The following DLGAP1 variants were observed in gnomAD, a reference collection of about 807,000 sequenced individuals.
DLGAP1 encodes the protein DLG associated protein 1, also known as disks large-associated protein 1.
DLGAP1 carries 11 observed loss-of-function variants against 90.8 expected under a neutral mutation model. The ratio of observed to expected loss-of-function variants is 0.12; its 90% CI spans 0.08 to 0.20. The LOEUF (loss-of-function observed/expected upper bound fraction) is 0.20. Ranked by LOEUF, DLGAP1 falls within the 10% of genes least tolerant of loss-of-function variation. DLGAP1 has a pLI of 1.00. For missense variants in DLGAP1, 1,050 were observed against 1,333.8 expected (o/e 0.79, Z 3.31); for synonymous variants, 558 against 540.7 (o/e 1.03, Z -0.44).
intron 3 of DLGAP1, among the ~76,000 whole-genome samples, chr18:3,939,029 T>G (rs778366124): frequency 3.9e-5 from 6 of 152,106 alleles, no homozygotes; most frequent in Non-Finnish European, 5.9e-5. Context: ...TCACCAACAG[T>G]AAGGGAATAG....
At chr18:4,134,225 T>C (rs1463777971) in intron 2 of DLGAP1, among the ~76,000 whole-genome samples, 2 of 152,056 alleles carry the variant, frequency 1.3e-5, no homozygotes, top group East Asian at 3.9e-4. Context: ...CCTGTCTCTC[T>C]TTGCATCCTC....
chr18:3,880,670 C>T lies in DLGAP1; in HGVS notation c.-72-530G>A, dbSNP rs985791673. Among the ~76,000 whole-genome samples, 16 of 151,034 alleles carry T rather than the reference C, an allele frequency of 1.1e-4. No homozygotes were observed. In the South Asian group the frequency reaches 1.3e-3, roughly 12 times the overall value. On this transcript the variant is annotated intron_variant, in intron 3 of 12. Transcript: ENST00000315677. Reference sequence around the variant, plus strand: ...AAAACTAGAAAAAGGAGGCCGGGCGCGGTGGCTCACGCCTGTAATCCCAGC... The same window carrying T: ...AAAACTAGAAAAAGGAGGCCGGGCGTGGTGGCTCACGCCTGTAATCCCAGC...
At chr18:4,183,598 T>C (rs1413944447) in intron 1 of DLGAP1, among the ~76,000 whole-genome samples, 1 of 152,140 alleles carries the variant, frequency 6.6e-6, no homozygotes, top group Non-Finnish European at 1.5e-5. Context: ...CTTTTTTAAA[T>C]TATGTGGCTC....
rs188150744 is a variant in DLGAP1, at chr18:4,350,845, C to T, written c.-267+104161G>A. ...TCAAATAGTAGGTTTGATCTAATTACCAAAACATTATTAGAATCTAGGTAG... is the reference window on the plus strand; with the variant it reads ...TCAAATAGTAGGTTTGATCTAATTATCAAAACATTATTAGAATCTAGGTAG... On this transcript the variant is annotated intron_variant, in intron 1 of 12. Coordinates refer to ENST00000315677, the MANE Select transcript of DLGAP1 (RefSeq NM_004746.4). 1.2e-3 allele frequency among the ~76,000 whole-genome samples: 186 copies of T among 152,148 alleles called. 2 individuals carry two copies. The highest frequency in any genetic ancestry group is 4.4e-3 in the African/African-American group (182 of 41,520).
At chr18:3,754,663 T>C (rs1208422465) in intron 5 of DLGAP1, among the ~76,000 whole-genome samples, 4 of 144,296 alleles carry the variant, frequency 2.8e-5, no homozygotes, top group Non-Finnish European at 6.0e-5. Context: ...GTGGATTGCA[T>C]GAGCTCAGGA....
At chr18:3,884,233 G>C (rs1029291497) in intron 3 of DLGAP1, among the ~76,000 whole-genome samples, 4 of 152,182 alleles carry the variant, frequency 2.6e-5, no homozygotes, top group African/African-American at 4.8e-5. Flanking sequence ...CATTGCATAA[G>C]AAAGTCTCTC....
At chr18:4,194,193 T>C (rs1266291499) in intron 1 of DLGAP1, among the ~76,000 whole-genome samples, 1 of 152,146 alleles carries the variant, frequency 6.6e-6, no homozygotes, top group Non-Finnish European at 1.5e-5. Context: ...GGGACTACTG[T>C]CGTCACCTTT....
Position 4,040,033 on chromosome 18 carries a change from C to A in DLGAP1, c.-158-34832G>T, listed in dbSNP as rs144285508. Among the ~76,000 whole-genome samples the A allele has an allele frequency of 8.5e-5, 13 of 152,330 alleles. No individual in the cohort carries two copies. The East Asian group carries it at 2.5e-3, about 29-fold the overall frequency. ...TATAGAACAGCCTTCTATTCAAGGA[C>A]TCCCAATTTGGGCAAAACAGTACCT... On this transcript the variant is annotated intron_variant, in intron 2 of 12. Coordinates refer to ENST00000315677, the MANE Select transcript of DLGAP1 (RefSeq NM_004746.4).
chr18:4,279,725 ACT>A (rs1477964265), intron 1 of DLGAP1, among the ~76,000 whole-genome samples: 1 of 152,182 alleles, frequency 6.6e-6, no homozygotes, highest in African/African-American at 2.4e-5. Context: ...AAGCATATAA[ACT>A]CTTTTATATC....
At chr18:4,338,405 A>G (rs1257799043) in intron 1 of DLGAP1, among the ~76,000 whole-genome samples, 1 of 152,214 alleles carries the variant, frequency 6.6e-6, no homozygotes, top group Non-Finnish European at 1.5e-5. Context: ...CAATCATACC[A>G]AGTGTCAATA....
intron 2 of DLGAP1, among the ~76,000 whole-genome samples, chr18:4,044,226 C>A (rs181731433): frequency 6.6e-6 from 1 of 152,254 alleles, no homozygotes; most frequent in Admixed American, 6.5e-5. Context: ...TATCTAATGT[C>A]TGGGTTTTGG....
chr18:3,920,604 T>G (rs947669096), intron 3 of DLGAP1, among the ~76,000 whole-genome samples: 10 of 152,150 alleles, frequency 6.6e-5, no homozygotes, highest in Admixed American at 5.9e-4. Flanking sequence ...ATGTTTGCAT[T>G]GCATCTCATT....
chr18:4,429,148 G>C (rs893663078), intron 1 of DLGAP1, among the ~76,000 whole-genome samples: 2 of 152,122 alleles, frequency 1.3e-5, no homozygotes, highest in African/African-American at 4.8e-5. Context: ...AATTCTATGA[G>C]TCATTTATAT....
At chr18:4,325,329 A>G (rs2080793341) in intron 1 of DLGAP1, among the ~76,000 whole-genome samples, 1 of 152,166 alleles carries the variant, frequency 6.6e-6, no homozygotes, top group Admixed American at 6.6e-5. Context: ...TACAATGATA[A>G]TTATAAAATA....
intron 1 of DLGAP1, among the ~76,000 whole-genome samples, chr18:4,275,777 G>C (rs957467414): frequency 3.9e-5 from 6 of 152,142 alleles, no homozygotes; most frequent in Non-Finnish European, 7.3e-5. Flanking sequence ...CTGAGTGGCA[G>C]AGATGGAGGC....
intron 1 of DLGAP1, among the ~76,000 whole-genome samples, chr18:4,374,482 C>T (rs2081976987): frequency 6.6e-6 from 1 of 151,902 alleles, no homozygotes; most frequent in Non-Finnish European, 1.5e-5. Context: ...TATTCAATGG[C>T]ATAACTAAGG....
Position 4,319,174 on chromosome 18 carries a change from CT to C in DLGAP1, c.-267+135831del, listed in dbSNP as rs57450461. On this transcript the variant is annotated intron_variant, in intron 1 of 12. Coordinates refer to ENST00000315677, the MANE Select transcript of DLGAP1 (RefSeq NM_004746.4). ...TTAGTTTAAAAAGATATATCTATGG[CT>C]TTTTTAAAACAAAATTCCTAGCATA... Among the ~76,000 whole-genome samples the C allele has an allele frequency of 7.1e-3, 1,079 of 152,136 alleles. 8 individuals carry two copies. The highest frequency in any genetic ancestry group is 0.011 in the South Asian group (54 of 4,806).
chr18:4,350,320 G>A (rs1385352247), intron 1 of DLGAP1, among the ~76,000 whole-genome samples: 1 of 152,044 alleles, frequency 6.6e-6, no homozygotes, highest in South Asian at 2.1e-4. Context: ...TTTAACATAT[G>A]TGTACCAAAA....
chr18:4,123,215 A>G (rs2076180584), intron 2 of DLGAP1, among the ~76,000 whole-genome samples: 1 of 152,110 alleles, frequency 6.6e-6, no homozygotes, highest in Non-Finnish European at 1.5e-5. Context: ...GGGTGGAGTC[A>G]GGGGAGTTTT....
Sources: allele counts gnomAD v4.1 joint callset (sites outside exome capture counted in the v4.1 genomes callset), GRCh38; gene constraint gnomAD v4.1.1; transcripts MANE v1.5; gene names NCBI Gene and HGNC (gene_info 2026-07-23, HGNC 2026-07-21).